MRC1: variants seen among roughly 807,000 people sequenced by gnomAD.
MRC1 encodes the protein macrophage mannose receptor 1.
Under a neutral mutation model 102.9 loss-of-function variants are expected in MRC1, and 62 were observed. That is an observed-to-expected ratio of 0.60 (90% CI 0.49 to 0.74). MRC1 has a LOEUF of 0.74. Among genes scored for constraint, MRC1 ranks in the 30% least tolerant of loss-of-function variants. The probability of loss-of-function intolerance (pLI) is 0.00; values close to 1 mark genes in which losing one functional copy is unlikely to be tolerated. For synonymous variants in MRC1, 457 were observed against 298.4 expected (o/e 1.53, Z -5.48); for missense variants, 1,237 against 862.8 (o/e 1.43, Z -5.43).
chr10:17,894,896 G>T (rs1821546844), intron 23 of MRC1, among the ~76,000 whole-genome samples: 1 of 152,034 alleles, frequency 6.6e-6, no homozygotes, highest in African/African-American at 2.4e-5. Flanking sequence ...ATCATGGTTG[G>T]GCACTGTGGC....
rs1032101107 is a variant in MRC1 at position 17,881,053 on chromosome 10, C to T, written c.2866-14C>T. On this transcript the variant is annotated splice_polypyrimidine_tract_variant and intron_variant, in intron 20 of 29. Coordinates refer to ENST00000569591, the MANE Select transcript of MRC1 (RefSeq NM_002438.4). ...GCAGTTTTTCTTTTTTTCTCTGCCC[C>T]TCTTCCATCCCAGTGTTTCAAAATC... is the stretch of plus-strand genomic sequence containing the variant. 65 of 780,418 alleles carry T rather than the reference C, an allele frequency of 8.3e-5. No homozygotes were observed. The African/African-American group carries it at 9.1e-4, about 11-fold the overall frequency. The allele number at this position is 780,418 out of a possible 1,614,324, so 48.3% of individuals were successfully genotyped here. A position where few individuals can be genotyped will look rare whatever the true frequency, so the allele number is the denominator to read the frequency against.
At chr10:17,897,310 A>G (rs1162192308) in intron 23 of MRC1, among the ~76,000 whole-genome samples, 1 of 152,188 alleles carries the variant, frequency 6.6e-6, no homozygotes, top group African/African-American at 2.4e-5. Context: ...TACAGGGGGC[A>G]CAATGCAGTG....
chr10:17,852,622 A>G (rs1838933608), intron 7 of MRC1, among the ~76,000 whole-genome samples: 4 of 152,254 alleles, frequency 2.6e-5, no homozygotes, highest in Admixed American at 1.3e-4. Flanking sequence ...TTGCAACAAT[A>G]AAAGCAGCTT....
intron 21 of MRC1, among the ~76,000 whole-genome samples, chr10:17,883,202 G>A (rs1250948200): frequency 2.6e-5 from 4 of 152,126 alleles, no homozygotes; most frequent in Admixed American, 1.3e-4. Flanking sequence ...ATTATAGCTC[G>A]CTGCAGCCTC....
rs1838881307 is a variant in MRC1, at chr10:17,849,574, TC to T, written c.1064-4del. ...TTTTTTTCCGACCCCCCTTTTTGTTTCTAGAAAGTGATGTGCCTACTCACTG... is the reference window on the plus strand; with the variant it reads ...TTTTTTTCCGACCCCCCTTTTTGTTTTAGAAAGTGATGTGCCTACTCACTG... On this transcript the variant is annotated splice_polypyrimidine_tract_variant and splice_region_variant and intron_variant, in intron 6 of 29. Coordinates refer to ENST00000569591, the MANE Select transcript of MRC1 (RefSeq NM_002438.4). 2.2e-5 allele frequency: 17 copies of T among 778,512 alleles called. No individual in the cohort carries two copies. In the South Asian group the frequency reaches 2.3e-4, roughly 11 times the overall value. The allele number at this position is 778,512 out of a possible 1,614,324, so 48.2% of individuals were successfully genotyped here.
rs535430605 is a variant in MRC1 at position 17,858,063 on chromosome 10, A to G, written c.1518+1711A>G. Among the ~76,000 whole-genome samples the G allele has an allele frequency of 4.5e-3, 680 of 152,358 alleles. 8 individuals are homozygous for G. The highest frequency in any genetic ancestry group is 0.022 in the South Asian group (108 of 4,826). ...CTTCATATGGGGAAAATTTATAGAT[A>G]TGACATTAAAATAAAATGTGTTTTA... On this transcript the variant is annotated intron_variant, in intron 9 of 29. Transcript: ENST00000569591.
At chr10:17,878,575 G>A (rs902702347) in intron 18 of MRC1, among the ~76,000 whole-genome samples, 2 of 152,146 alleles carry the variant, frequency 1.3e-5, no homozygotes, top group South Asian at 4.2e-4. Context: ...CGTCCTCCTG[G>A]CTCATGTGCA....
Position 17,827,631 on chromosome 10 carries a change from G to A in MRC1, c.553G>A (p.Ala185Thr). 1 of 780,844 alleles carries A rather than the reference G, an allele frequency of 1.3e-6. No homozygotes were observed. Among genetic ancestry groups the A allele is most frequent in the African/African-American group, 1.7e-5 (1 of 59,262 alleles). 48.4% of individuals were successfully genotyped at this position (780,844 alleles called of 1,614,324 possible). The change falls in exon 3 of 30, where the codon GCT becomes ACT. Residue 185 changes from alanine (A) to threonine (T), a missense_variant. Physicochemically the swap from Ala to Thr is moderately conservative, Grantham distance 58. Transcript: ENST00000569591. The part of the protein sequence containing the change: ...ENKWYADCTS[A>T]GRSDGWLWCG... ...CAAGTGGTACGCAGATTGCACGAGT[G>A]CTGGGCGGTCGGATGGATGGCTCTG...
rs1838738582 is a variant in MRC1, at chr10:17,840,803, C to T, written c.913C>T (p.Pro305Ser). The stretch of plus-strand genomic sequence containing the variant: ...TCCTTTCCGATATTTGAACTGGTTA[C>T]CAGGTAGGGTTAAGCCTGTTTGTGT... ...RSPFRYLNWLPGSPSAEPGKS... is the reference protein window; with the variant it reads ...RSPFRYLNWLSGSPSAEPGKS... The change falls in exon 5 of 30, where the codon CCA becomes TCA. Residue 305 changes from proline (P) to serine (S), a missense_variant. Coordinates refer to ENST00000569591, the MANE Select transcript of MRC1 (RefSeq NM_002438.4). 1 of 780,710 alleles carries T rather than the reference C, an allele frequency of 1.3e-6. No individual in the cohort carries two copies. 48.4% of individuals were successfully genotyped at this position (780,710 alleles called of 1,614,324 possible). A position where few individuals can be genotyped will look rare whatever the true frequency, so the allele number is the denominator to read the frequency against.
intron 5 of MRC1, among the ~76,000 whole-genome samples, chr10:17,841,993 C>G (rs1351249945): frequency 6.6e-6 from 1 of 152,140 alleles, no homozygotes; most frequent in Non-Finnish European, 1.5e-5. Flanking sequence ...GACAGGGTCT[C>G]ACTCTGTTGC....
intron 21 of MRC1, among the ~76,000 whole-genome samples, chr10:17,883,432 C>T (rs1320327776): frequency 3.6e-3 from 6 of 1,682 alleles, no homozygotes; most frequent in Non-Finnish European, 9.4e-3. Context: ...TCTAGCTGTA[C>T]TCATGCTGCT....
chr10:17,853,913 A>G lies in MRC1; in HGVS notation c.1407+789A>G, dbSNP rs562493745. ...CCTTTATTTGCAAAATGGGAATAAG[A>G]GCTGTACTTAGCTCACCTGTGGATA... On this transcript the variant is annotated intron_variant, in intron 8 of 29. Transcript: ENST00000569591. 4.5e-3 allele frequency among the ~76,000 whole-genome samples: 688 copies of G among 152,188 alleles called. 8 individuals are homozygous for G. Among genetic ancestry groups the G allele is most frequent in the South Asian group, 0.036 (174 of 4,818 alleles).
intron 26 of MRC1, among the ~76,000 whole-genome samples, chr10:17,904,019 A>C (rs1465922771): frequency 6.6e-6 from 1 of 152,140 alleles, no homozygotes; most frequent in Non-Finnish European, 1.5e-5. Flanking sequence ...AGTGTACAAA[A>C]ACTTTGCTGT....
chr10:17,898,692 T>C (rs1418982313), intron 24 of MRC1, among the ~76,000 whole-genome samples: 1 of 152,234 alleles, frequency 6.6e-6, no homozygotes, highest in Non-Finnish European at 1.5e-5. Context: ...TTGTAGGTCC[T>C]GAGGTTGTGG....
intron 7 of MRC1, among the ~76,000 whole-genome samples, chr10:17,850,323 G>A (rs1838895016): frequency 6.9e-6 from 1 of 144,800 alleles, no homozygotes; most frequent in South Asian, 2.2e-4. Context: ...TCTTGGCCAA[G>A]CTACGGTGGC....
chr10:17,902,955 A>G (rs1169747308), intron 26 of MRC1, among the ~76,000 whole-genome samples: 1 of 152,324 alleles, frequency 6.6e-6, no homozygotes, highest in East Asian at 1.9e-4. Context: ...TTCTTGATGT[A>G]TTAAAAATTT....
At chr10:17,884,539 G>C (rs1465669345) in intron 21 of MRC1, among the ~76,000 whole-genome samples, 4 of 152,212 alleles carry the variant, frequency 2.6e-5, no homozygotes, top group Admixed American at 1.3e-4. Context: ...GCCTCAGGAA[G>C]TTTACAATCA....
At chr10:17,885,841 G>C (rs1833586125) in intron 22 of MRC1, among the ~76,000 whole-genome samples, 1 of 111,368 alleles carries the variant, frequency 9.0e-6, no homozygotes, top group African/African-American at 2.6e-5. Flanking sequence ...TCATGATCAT[G>C]ATCATGATCA....
At chr10:17,820,501 A>T (rs1418072522) in intron 1 of MRC1, among the ~76,000 whole-genome samples, 1 of 152,242 alleles carries the variant, frequency 6.6e-6, no homozygotes. Context: ...AAGATTTTTG[A>T]ACGCCTTCTC....
Sources: allele counts gnomAD v4.1 joint callset (sites outside exome capture counted in the v4.1 genomes callset), GRCh38; gene constraint gnomAD v4.1.1; transcripts MANE v1.5; gene names NCBI Gene and HGNC (gene_info 2026-07-23, HGNC 2026-07-21).